USH2A: variants seen among roughly 807,000 people sequenced by gnomAD.
USH2A encodes usherin.
In USH2A, 443 loss-of-function variants were observed where a neutral mutation model predicts 538.9. That is an observed-to-expected ratio of 0.82 (90% confidence interval 0.76 to 0.89). The LOEUF (loss-of-function observed/expected upper bound fraction) is 0.89, where lower values mean the gene tolerates loss of function less well. Among genes scored for constraint, USH2A ranks in the 40% least tolerant of loss-of-function variants. The pLI is 0.00. For missense variants in USH2A, 6,633 were observed against 6,324.8 expected (o/e 1.05, Z -1.65); for synonymous variants, 2,413 against 2,273.5 (o/e 1.06, Z -1.75).
chr1:215,778,430 A>T (rs946672128), intron 55 of USH2A, among the ~76,000 whole-genome samples: 1 of 152,118 alleles, frequency 6.6e-6, no homozygotes, highest in Non-Finnish European at 1.5e-5. Flanking sequence ...TGTATTAAGC[A>T]CCTTCTGCAG....
chr1:216,236,299 C>T (rs1051854315), intron 13 of USH2A, among the ~76,000 whole-genome samples: 1 of 151,850 alleles, frequency 6.6e-6, no homozygotes, highest in Non-Finnish European at 1.5e-5. Flanking sequence ...TCTCTAAGTT[C>T]CTAAGACCCC....
chr1:216,361,585 G>T (rs1306552576), intron 4 of USH2A, among the ~76,000 whole-genome samples: 1 of 151,962 alleles, frequency 6.6e-6, no homozygotes, highest in Non-Finnish European at 1.5e-5. Flanking sequence ...TTAAAACTTG[G>T]CAAAAGGCTT....
At chr1:215,739,606 G>A (rs1272760157) in intron 60 of USH2A, among the ~76,000 whole-genome samples, 2 of 152,238 alleles carry the variant, frequency 1.3e-5, no homozygotes, top group Admixed American at 1.3e-4. Flanking sequence ...AATGTGCTTA[G>A]CGTAAAATGG....
At chr1:216,209,457 A>G (rs1411358161) in intron 15 of USH2A, among the ~76,000 whole-genome samples, 2 of 152,238 alleles carry the variant, frequency 1.3e-5, no homozygotes, top group South Asian at 2.1e-4. Flanking sequence ...AGGGAACAGT[A>G]AAGTGAAGTT....
chr1:216,184,363 C>T lies in USH2A; in HGVS notation c.4396+5860G>A, dbSNP rs538206601. Among the ~76,000 whole-genome samples the T allele has an allele frequency of 2.0e-5, 3 of 151,926 alleles. No homozygotes were observed. The South Asian group carries it at 6.2e-4, about 32-fold the overall frequency. On this transcript the variant is annotated intron_variant, in intron 20 of 71. Transcript: ENST00000307340. ...GGCAGCAGCCTCAGATTCATGAGTCCATACATCAAGTCAGTAGTTTAACAA... is the reference window on the plus strand; with the variant it reads ...GGCAGCAGCCTCAGATTCATGAGTCTATACATCAAGTCAGTAGTTTAACAA...
intron 43 of USH2A, among the ~76,000 whole-genome samples, chr1:215,873,681 C>T (rs1173373177): frequency 3.3e-5 from 5 of 151,704 alleles, no homozygotes; most frequent in African/African-American, 1.2e-4. Flanking sequence ...CATCTTAAGT[C>T]TTACCCTTCT....
At chr1:216,275,367 C>T (rs2036652894) in intron 11 of USH2A, among the ~76,000 whole-genome samples, 1 of 151,998 alleles carries the variant, frequency 6.6e-6, no homozygotes, top group African/African-American at 2.4e-5. Context: ...TGAAAGATCT[C>T]ACAGAAGCAT....
At chr1:216,090,894 CTTAG>C (rs780399917) in intron 22 of USH2A, among the ~76,000 whole-genome samples, 34 of 152,196 alleles carry the variant, frequency 2.2e-4, no homozygotes, top group African/African-American at 4.1e-4. Context: ...TCAAAGTGTA[CTTAG>C]TTAGCGTTAA....
At chr1:216,419,122 T>C (rs949503081) in intron 2 of USH2A, among the ~76,000 whole-genome samples, 2 of 152,194 alleles carry the variant, frequency 1.3e-5, no homozygotes, top group Admixed American at 1.3e-4. Context: ...AGGCTCTAAA[T>C]TGGTAGCCCT....
At chr1:216,007,079 G>A (rs1297791763) in intron 32 of USH2A, among the ~76,000 whole-genome samples, 1 of 152,066 alleles carries the variant, frequency 6.6e-6, no homozygotes, top group Non-Finnish European at 1.5e-5. Context: ...GGTTCCATAA[G>A]GGGTTTCCCC....
Position 215,647,647 on chromosome 1 carries a change from C to T in USH2A, c.14666G>A (p.Gly4889Glu). 2 of 1,614,160 alleles carry T rather than the reference C, an allele frequency of 1.2e-6. No individual in the cohort carries two copies. Among genetic ancestry groups the T allele is most frequent in the Non-Finnish European group, 1.7e-6 (2 of 1,180,034 alleles). Reference sequence around the variant, plus strand: ...CCCAAGGCTGGCTTTCTGCCCCAGCCCCGTGTACTTTGTTTCTATTTGGCT... The same window carrying T: ...CCCAAGGCTGGCTTTCTGCCCCAGCTCCGTGTACTTTGTTTCTATTTGGCT... ...TPSQIETKYTGLGQKASLGGL... is the reference protein window; with the variant it reads ...TPSQIETKYTELGQKASLGGL... The change falls in exon 67 of 72, where the codon GGG becomes GAG. Residue 4889 changes from glycine (G) to glutamate (E), a missense_variant. Gly to Glu is a moderately conservative substitution (Grantham distance 98, BLOSUM62 -2). Transcript: ENST00000307340.
At chr1:216,201,760 G>GGA in intron 16 of USH2A, 1 of 229,348 alleles carries the variant, frequency 4.4e-6, no homozygotes, top group Admixed American at 4.3e-5. Flanking sequence ...ATAGAGCCGA[G>GGA]GAAGGTGAGA....
intron 32 of USH2A, among the ~76,000 whole-genome samples, chr1:216,040,686 A>G (rs2030235816): frequency 1.3e-5 from 2 of 151,952 alleles, no homozygotes; most frequent in African/African-American, 2.4e-5. Flanking sequence ...TCTTTTGTCT[A>G]CTTGTTTGGG....
intron 44 of USH2A, among the ~76,000 whole-genome samples, chr1:215,864,622 T>C (rs988061370): frequency 6.6e-6 from 1 of 152,314 alleles, no homozygotes. Flanking sequence ...ATTATCTTTA[T>C]GTATAATTCT....
intron 38 of USH2A, among the ~76,000 whole-genome samples, chr1:215,913,649 G>A (rs1665870412): frequency 6.6e-6 from 1 of 152,046 alleles, no homozygotes; most frequent in African/African-American, 2.4e-5. Flanking sequence ...AGGCACAGAT[G>A]GTGGTGGCTA....
rs569442177 is a variant in USH2A at position 216,407,389 on chromosome 1, C to T, written c.651+11125G>A. ...AGCTAATCTATTAAAGCTTTTCATTCTTGGAAAAGTTGTCTTAATTTTTTT... is the reference window on the plus strand; with the variant it reads ...AGCTAATCTATTAAAGCTTTTCATTTTTGGAAAAGTTGTCTTAATTTTTTT... On this transcript the variant is annotated intron_variant, in intron 3 of 71. Coordinates refer to ENST00000307340, the MANE Select transcript of USH2A (RefSeq NM_206933.4). Among the ~76,000 whole-genome samples, 11 of 152,056 alleles carry T rather than the reference C, an allele frequency of 7.2e-5. No homozygotes were observed. The East Asian group carries it at 2.1e-3, about 29-fold the overall frequency.
At chr1:215,653,039 C>A (rs1186838895) in intron 64 of USH2A, among the ~76,000 whole-genome samples, 1 of 152,196 alleles carries the variant, frequency 6.6e-6, no homozygotes. Flanking sequence ...AAGCATAATT[C>A]ATAGCAAGTG....
intron 35 of USH2A, among the ~76,000 whole-genome samples, chr1:215,973,420 T>C (rs1667541454): frequency 1.3e-5 from 2 of 152,186 alleles, no homozygotes; most frequent in African/African-American, 4.8e-5. Context: ...TCACACAGAA[T>C]ATAATGAATA....
intron 12 of USH2A, among the ~76,000 whole-genome samples, chr1:216,250,534 C>A (rs1314070846): frequency 6.6e-6 from 1 of 152,064 alleles, no homozygotes; most frequent in African/African-American, 2.4e-5. Context: ...AGAAAACTAG[C>A]ATGGAAATGA....
Sources: allele counts gnomAD v4.1 joint callset (sites outside exome capture counted in the v4.1 genomes callset), GRCh38; gene constraint gnomAD v4.1.1; transcripts MANE v1.5; gene names NCBI Gene and HGNC (gene_info 2026-07-23, HGNC 2026-07-21).